The following STYX variants were observed in gnomAD, a reference collection of about 807,000 sequenced individuals.
The protein encoded by STYX is serine/threonine/tyrosine interacting protein.
Under a neutral mutation model 42.7 loss-of-function variants are expected in STYX, and 20 were observed. The observed-to-expected ratio is 0.47, with a 90% CI of 0.33 to 0.68. The LOEUF (loss-of-function observed/expected upper bound fraction) is 0.68. Ranked by LOEUF, STYX falls within the 30% of genes least tolerant of loss-of-function variation. The probability of loss-of-function intolerance (pLI) is 0.02; values close to 1 mark genes in which losing one functional copy is unlikely to be tolerated. For synonymous variants in STYX, 78 were observed against 81.9 expected (o/e 0.95, Z 0.26); for missense variants, 226 against 268.5 (o/e 0.84, Z 1.11).
chr14:52,763,799 A>G (rs1882193638), intron 9 of STYX, among the ~76,000 whole-genome samples: 2 of 152,146 alleles, frequency 1.3e-5, no homozygotes, highest in African/African-American at 4.8e-5. Flanking sequence ...TCAGGGGATA[A>G]AGTTAAATGT....
At chr14:52,753,339 C>T (rs942437666) in intron 4 of STYX, among the ~76,000 whole-genome samples, 2 of 151,726 alleles carry the variant, frequency 1.3e-5, no homozygotes, top group African/African-American at 4.8e-5. Context: ...GTGTGAGCCA[C>T]CGCACCTGGC....
intron 6 of STYX, 89 bp from the exon 7 acceptor site, chr14:52,757,654 T>G (rs927836958): frequency 8.7e-7 from 1 of 1,148,728 alleles, no homozygotes; most frequent in Non-Finnish European, 1.3e-6. Flanking sequence ...GATTATAGTA[T>G]ATAAGGAGTT....
intron 1 of STYX, among the ~76,000 whole-genome samples, chr14:52,741,232 T>TATATA (rs1246136254): frequency 6.9e-6 from 1 of 145,168 alleles, no homozygotes; most frequent in African/African-American, 2.5e-5. Context: ...ATATATATAT[T>TATATA]TTTTTTTTGG....
intron 1 of STYX, among the ~76,000 whole-genome samples, chr14:52,740,875 A>C (rs1881162009): frequency 1.3e-5 from 2 of 152,248 alleles, no homozygotes; most frequent in South Asian, 4.1e-4. Context: ...ACATTCTATT[A>C]GCATAGAAGG....
At chr14:52,765,741 T>C (rs1235827814) in intron 9 of STYX, among the ~76,000 whole-genome samples, 1 of 151,914 alleles carries the variant, frequency 6.6e-6, no homozygotes, top group East Asian at 1.9e-4. Flanking sequence ...AGTTAAGGAG[T>C]GTGCAACCTA....
chr14:52,745,551 C>T lies in STYX; in HGVS notation c.90+667C>T, dbSNP rs1327944126. Among the ~76,000 whole-genome samples, 3 of 152,168 alleles carry T rather than the reference C, an allele frequency of 2.0e-5. No homozygotes were observed. In the East Asian group the frequency reaches 5.8e-4, roughly 29 times the overall value. On this transcript the variant is annotated intron_variant, in intron 2 of 10. Coordinates refer to ENST00000354586, the MANE Select transcript of STYX (RefSeq NM_145251.4). ...AAGTTAGGGAGAGTTGTCTGTACAG[C>T]AAATAAGCATTGTTCATTTTGTGTC...
intron 1 of STYX, among the ~76,000 whole-genome samples, chr14:52,742,493 A>T (rs1594867421): frequency 6.6e-6 from 1 of 152,202 alleles, no homozygotes; most frequent in African/African-American, 2.4e-5. Flanking sequence ...AAAGCCAAAC[A>T]TAGGCCTACC....
rs1194745553 is a variant in STYX, at chr14:52,746,302, A to G, written c.91-124A>G. The stretch of plus-strand genomic sequence containing the variant: ...AAAAAAAAAGATTAAAAAAATAGAT[A>G]ATAGTTCCAATCTTGTTGTATCTTG... On this transcript the variant is annotated intron_variant, in intron 2 of 10. Transcript: ENST00000354586. 3 of 614,940 alleles carry G rather than the reference A, an allele frequency of 4.9e-6. No individual in the cohort carries two copies. The East Asian group carries it at 1.0e-4, about 21-fold the overall frequency. The allele number at this position is 614,940 out of a possible 1,614,324, so 38.1% of individuals were successfully genotyped here. A position where few individuals can be genotyped will look rare whatever the true frequency, so the allele number is the denominator to read the frequency against.
intron 4 of STYX, among the ~76,000 whole-genome samples, chr14:52,756,190 A>G (rs1162313706): frequency 1.3e-5 from 2 of 152,140 alleles, no homozygotes; most frequent in Non-Finnish European, 2.9e-5. Context: ...TAATTTTTTA[A>G]TATTCTGTAG....
At position 52,756,193 on chromosome 14, in the gene STYX, T is replaced by C. The variant is rs142401738; in HGVS notation, c.243-358T>C. Among the ~76,000 whole-genome samples the C allele has an allele frequency of 1.4e-3, 216 of 152,244 alleles. 1 individual carries two copies. The highest frequency in any genetic ancestry group is 5.0e-3 in the African/African-American group (209 of 41,530). On this transcript the variant is annotated intron_variant, in intron 4 of 10. Transcript: ENST00000354586. Reference sequence around the variant, plus strand: ...ACGACACCCAGCTAATTTTTTAATATTCTGTAGAGATGGAGTCTCCCTCTG... The same window carrying C: ...ACGACACCCAGCTAATTTTTTAATACTCTGTAGAGATGGAGTCTCCCTCTG...
Position 52,768,929 on chromosome 14 carries a change from C to A in STYX, c.594C>A (p.Thr198=). ...IERSLSVHSG[T]TGSLKRTHEE... ...GGTCATTATCTGTTCATTCTGGTAC[C>A]ACAGGTAAGGATTTTTTTCTTTTTG... The change falls in exon 10 of 11, where the codon ACC becomes ACA. Residue 198 remains threonine, a synonymous_variant. Transcript: ENST00000354586. The A allele has an allele frequency of 1.3e-6, 2 of 1,563,416 alleles. No homozygotes were observed. Among genetic ancestry groups the A allele is most frequent in the East Asian group, 2.3e-5 (1 of 42,964 alleles).
intron 9 of STYX, among the ~76,000 whole-genome samples, chr14:52,766,599 T>C (rs1440446508): frequency 6.6e-6 from 1 of 152,196 alleles, no homozygotes; most frequent in East Asian, 1.9e-4. Context: ...TGAGCCACTA[T>C]ATCCGGCCAA....
chr14:52,733,228 C>T (rs1398029085), intron 1 of STYX, among the ~76,000 whole-genome samples: 1 of 152,160 alleles, frequency 6.6e-6, no homozygotes, highest in African/African-American at 2.4e-5. Context: ...CCGGACTTTG[C>T]ATTTAATCTG....
intron 1 of STYX, among the ~76,000 whole-genome samples, chr14:52,732,852 G>A (rs776717070): frequency 2.4e-4 from 37 of 151,704 alleles, no homozygotes; most frequent in Non-Finnish European, 8.8e-5. Flanking sequence ...TGTACTTTTA[G>A]TAGAGACGGG....
chr14:52,749,500 G>A (rs1881526731), intron 3 of STYX, among the ~76,000 whole-genome samples: 1 of 152,122 alleles, frequency 6.6e-6, no homozygotes, highest in South Asian at 2.1e-4. Flanking sequence ...ATGCCATCGT[G>A]ACTTGTTAGT....
intron 9 of STYX, 71 bp from the exon 10 acceptor site, chr14:52,768,769 C>A: frequency 9.6e-7 from 1 of 1,046,164 alleles, no homozygotes; most frequent in Non-Finnish European, 1.4e-6. Context: ...ACAGTGTATA[C>A]ATTAATCACT....
chr14:52,732,438 A>G (rs903088233), intron 1 of STYX, among the ~76,000 whole-genome samples: 7 of 151,342 alleles, frequency 4.6e-5, no homozygotes, highest in Non-Finnish European at 1.0e-4. Flanking sequence ...ACACCGGGCT[A>G]ATTTTTTTGT....
rs1881554723 is a variant in STYX at position 52,750,168 on chromosome 14, GTTAA to G, written c.145-511_145-508del. On this transcript the variant is annotated intron_variant, in intron 3 of 10. Transcript: ENST00000354586. ...CAGGAAAATTTTTAAATGGTAAAAG[GTTAA>G]TTAGATTCTGTGAAGTATGTAAATT... Among the ~76,000 whole-genome samples the G allele has an allele frequency of 3.9e-5, 6 of 152,250 alleles. No homozygotes were observed. The South Asian group carries it at 1.2e-3, about 32-fold the overall frequency.
chr14:52,742,546 C>G (rs1196149863), intron 1 of STYX, among the ~76,000 whole-genome samples: 1 of 152,124 alleles, frequency 6.6e-6, no homozygotes, highest in Non-Finnish European at 1.5e-5. Flanking sequence ...GCTTAAAAAT[C>G]TAACTCACTT....
Sources: allele counts gnomAD v4.1 joint callset (sites outside exome capture counted in the v4.1 genomes callset), GRCh38; gene constraint gnomAD v4.1.1; transcripts MANE v1.5; gene names NCBI Gene and HGNC (gene_info 2026-07-23, HGNC 2026-07-21).